NWD2: variants seen among roughly 807,000 people sequenced by gnomAD.
The protein encoded by NWD2 is NACHT and WD repeat domain-containing protein 2.
A neutral mutation model predicts 132.7 loss-of-function variants in NWD2; 37 were observed. The observed-to-expected ratio is 0.28, with a 90% CI of 0.21 to 0.37. The LOEUF (loss-of-function observed/expected upper bound fraction) is 0.37, where lower values mean the gene tolerates loss of function less well. NWD2 is among the 10% of genes least tolerant of loss of function. The probability of loss-of-function intolerance (pLI) is 1.00; values close to 1 mark genes in which losing one functional copy is unlikely to be tolerated. For synonymous variants in NWD2, 705 were observed against 803.0 expected (o/e 0.88, Z 2.06); for missense variants, 1,592 against 2,122.4 (o/e 0.75, Z 4.91).
chr4:37,370,984 C>T (rs1438541598), intron 3 of NWD2, among the ~76,000 whole-genome samples: 1 of 151,868 alleles, frequency 6.6e-6, no homozygotes. Context: ...TGCTTACATA[C>T]ACCCACACAT....
chr4:37,371,263 G>C (rs1338461502), intron 3 of NWD2, among the ~76,000 whole-genome samples: 1 of 151,592 alleles, frequency 6.6e-6, no homozygotes, highest in Non-Finnish European at 1.5e-5. Context: ...TTTTAGTAGA[G>C]ACAGGGTTCA....
At chr4:37,417,751 C>A (rs1478481436) in intron 3 of NWD2, among the ~76,000 whole-genome samples, 2 of 152,042 alleles carry the variant, frequency 1.3e-5, no homozygotes, top group Non-Finnish European at 2.9e-5. Context: ...TGGCAGAGGG[C>A]AGGATTCAGG....
At chr4:37,354,580 G>C (rs1268326499) in intron 2 of NWD2, among the ~76,000 whole-genome samples, 2 of 152,150 alleles carry the variant, frequency 1.3e-5, no homozygotes, top group Non-Finnish European at 2.9e-5. Flanking sequence ...CTACTTGCCA[G>C]CTTTTCTTAA....
chr4:37,443,146 G>T lies in NWD2; in HGVS notation c.1297-139G>T, dbSNP rs1371568796. On this transcript the variant is annotated intron_variant, in intron 6 of 6. Coordinates refer to ENST00000309447, the MANE Select transcript of NWD2 (RefSeq NM_001144990.2). The surrounding 1 kb of genome is among the most constrained non-coding windows in gnomAD (Gnocchi z 4.1). ...GGCAGTTCTTTGGCCTTCTCAGAGGGTTTTTCCAATTTTTGGTCCTAAGCT... is the reference window on the plus strand; with the variant it reads ...GGCAGTTCTTTGGCCTTCTCAGAGGTTTTTTCCAATTTTTGGTCCTAAGCT... The T allele has an allele frequency of 4.3e-6, 3 of 704,318 alleles. No homozygotes were observed. The highest frequency in any genetic ancestry group is 6.8e-6 in the Non-Finnish European group (3 of 438,184). The allele number at this position is 704,318 out of a possible 1,614,324, so 43.6% of individuals were successfully genotyped here. A position where few individuals can be genotyped will look rare whatever the true frequency, so the allele number is the denominator to read the frequency against.
intron 3 of NWD2, among the ~76,000 whole-genome samples, chr4:37,413,721 CA>C (rs1721208080): frequency 6.6e-6 from 1 of 152,020 alleles, no homozygotes; most frequent in Non-Finnish European, 1.5e-5. Context: ...GGAATCAACC[CA>C]AATGTTCATC....
intron 3 of NWD2, among the ~76,000 whole-genome samples, chr4:37,370,644 C>G (rs1720198419): frequency 6.6e-6 from 1 of 152,156 alleles, no homozygotes; most frequent in Admixed American, 6.5e-5. Flanking sequence ...GCAATTGTAT[C>G]TTTATTGCCT....
intron 1 of NWD2, among the ~76,000 whole-genome samples, chr4:37,301,630 C>T (rs1210740655): frequency 6.6e-6 from 1 of 150,706 alleles, no homozygotes; most frequent in Non-Finnish European, 1.5e-5. Context: ...TTTTTTATTT[C>T]TAGAGGTTTT....
chr4:37,334,864 C>T (rs1719367260), intron 2 of NWD2, among the ~76,000 whole-genome samples: 1 of 152,150 alleles, frequency 6.6e-6, no homozygotes, highest in African/African-American at 2.4e-5. Context: ...CCTCTGACAT[C>T]CATTAAATCC....
At chr4:37,435,902 C>T (rs548310537) in intron 5 of NWD2, among the ~76,000 whole-genome samples, 3 of 152,188 alleles carry the variant, frequency 2.0e-5, no homozygotes, top group Non-Finnish European at 4.4e-5. Context: ...AAATTGCTGA[C>T]GTGCCAACTC....
intron 2 of NWD2, among the ~76,000 whole-genome samples, chr4:37,354,028 G>A (rs528164083): frequency 1.1e-3 from 163 of 151,950 alleles, no homozygotes; most frequent in African/African-American, 3.8e-3. Flanking sequence ...GGTGGGGTGT[G>A]TGGACATCCT....
At chr4:37,320,862 G>A (rs1301058327) in intron 1 of NWD2, among the ~76,000 whole-genome samples, 1 of 152,048 alleles carries the variant, frequency 6.6e-6, no homozygotes, top group Non-Finnish European at 1.5e-5. Flanking sequence ...AAGAACATGG[G>A]AAAAATGAGT....
intron 2 of NWD2, among the ~76,000 whole-genome samples, chr4:37,351,626 A>T (rs183858925): frequency 1.1e-4 from 16 of 152,206 alleles, no homozygotes; most frequent in African/African-American, 3.9e-4. Context: ...TCAAAAAAAC[A>T]GCTCCTGGAT....
At chr4:37,387,729 C>G (rs1196635851) in intron 3 of NWD2, among the ~76,000 whole-genome samples, 2 of 133,536 alleles carry the variant, frequency 1.5e-5, no homozygotes, top group African/African-American at 2.9e-5. Context: ...GGCTGGAGTG[C>G]AATGGCGCGA....
chr4:37,251,012 C>T (rs750787931), intron 1 of NWD2, among the ~76,000 whole-genome samples: 2 of 152,358 alleles, frequency 1.3e-5, no homozygotes, highest in Admixed American at 6.5e-5. Flanking sequence ...CAGTGGCTCA[C>T]GCCTATAATC....
chr4:37,371,560 A>G (rs1346593344), intron 3 of NWD2, among the ~76,000 whole-genome samples: 1 of 152,240 alleles, frequency 6.6e-6, no homozygotes, highest in Non-Finnish European at 1.5e-5. Context: ...TGAATTAAAT[A>G]TGTTGAAGTT....
intron 2 of NWD2, among the ~76,000 whole-genome samples, chr4:37,335,394 A>C (rs868760033): frequency 2.6e-5 from 4 of 151,822 alleles, no homozygotes; most frequent in South Asian, 2.1e-4. Context: ...ATGAGATTCC[A>C]GAGTACTTTA....
At chr4:37,281,513 A>G (rs1013304151) in intron 1 of NWD2, among the ~76,000 whole-genome samples, 3 of 152,160 alleles carry the variant, frequency 2.0e-5, no homozygotes. Context: ...GAGAAGACAG[A>G]CAAGGGGGAG....
At chr4:37,343,266 C>T (rs1429463653) in intron 2 of NWD2, among the ~76,000 whole-genome samples, 1 of 152,198 alleles carries the variant, frequency 6.6e-6, no homozygotes, top group African/African-American at 2.4e-5. Context: ...GCTATCTTCA[C>T]CACTGTATTG....
At chr4:37,423,393 T>G (rs1711881099) in intron 3 of NWD2, among the ~76,000 whole-genome samples, 2 of 152,196 alleles carry the variant, frequency 1.3e-5, no homozygotes, top group South Asian at 4.1e-4. Context: ...GATGACTTAT[T>G]ATAAGGCATT....
Sources: gnomAD v4.1 joint callset for allele counts (sites outside exome capture counted in the v4.1 genomes callset) on GRCh38, gnomAD v4.1.1 for gene constraint, Gnocchi (gnomAD v3.1) non-coding constraint, MANE v1.5 for transcripts, NCBI Gene and HGNC (gene_info 2026-07-23, HGNC 2026-07-21) for gene names.